ZNF148: variants seen among roughly 807,000 people sequenced by gnomAD.
ZNF148 encodes Beta-Enolase Repressor Factor-1.
Under a neutral mutation model 67.7 loss-of-function variants are expected in ZNF148, and 7 were observed. That is an observed-to-expected ratio of 0.10 (90% CI 0.06 to 0.19). The LOEUF (loss-of-function observed/expected upper bound fraction) is 0.19, where lower values mean the gene tolerates loss of function less well. Among genes scored for constraint, ZNF148 ranks in the 10% least tolerant of loss-of-function variants. The pLI is 1.00. For missense variants in ZNF148, 583 were observed against 947.1 expected (o/e 0.62, Z 5.05); for synonymous variants, 333 against 330.7 (o/e 1.01, Z -0.08).
chr3:125,301,042 G>C (rs1296734400), intron 4 of ZNF148, among the ~76,000 whole-genome samples: 1 of 152,134 alleles, frequency 6.6e-6, no homozygotes, highest in Non-Finnish European at 1.5e-5. Context: ...ATTTTGAAAT[G>C]ATGAAAATAT....
intron 4 of ZNF148, among the ~76,000 whole-genome samples, chr3:125,300,611 CATGACTAACA>C (rs1939535528): frequency 6.6e-6 from 1 of 152,166 alleles, no homozygotes; most frequent in Non-Finnish European, 1.5e-5. Context: ...CACAAAAATT[CATGACTAACA>C]ATGTTACATG....
chr3:125,357,352 G>A (rs1452903138), intron 1 of ZNF148: 1 of 153,294 alleles, frequency 6.5e-6, no homozygotes, highest in East Asian at 1.9e-4. Flanking sequence ...ACAAAAGGAA[G>A]TCATGGAAGG....
At chr3:125,241,484 C>G (rs1375886309) in intron 7 of ZNF148, among the ~76,000 whole-genome samples, 1 of 152,088 alleles carries the variant, frequency 6.6e-6, no homozygotes, top group Non-Finnish European at 1.5e-5. Context: ...ATCTTTTCTA[C>G]TTTTCCCTCA....
At chr3:125,295,362 A>T (rs887492021) in intron 4 of ZNF148, among the ~76,000 whole-genome samples, 3 of 152,126 alleles carry the variant, frequency 2.0e-5, no homozygotes, top group African/African-American at 4.8e-5. Context: ...CTGAGGCAGG[A>T]AAATAGCTTG....
chr3:125,272,363 C>T (rs551799329), intron 7 of ZNF148, among the ~76,000 whole-genome samples: 1 of 152,242 alleles, frequency 6.6e-6, no homozygotes, highest in South Asian at 2.1e-4. Context: ...AAAACAAATG[C>T]TACACATCTT....
chr3:125,285,571 A>C (rs889368148), intron 5 of ZNF148, among the ~76,000 whole-genome samples: 6 of 151,980 alleles, frequency 3.9e-5, no homozygotes, highest in Non-Finnish European at 8.8e-5. Flanking sequence ...AAAAAAAAAC[A>C]AAACCAGAGA....
At chr3:125,267,012 T>C (rs1937545671) in intron 7 of ZNF148, among the ~76,000 whole-genome samples, 2 of 151,244 alleles carry the variant, frequency 1.3e-5, no homozygotes, top group South Asian at 4.2e-4. Context: ...AATTCAAACC[T>C]TGAACAGATC....
chr3:125,366,398 A>G (rs560652628), intron 1 of ZNF148, among the ~76,000 whole-genome samples: 1 of 152,150 alleles, frequency 6.6e-6, no homozygotes, highest in Admixed American at 6.5e-5. Context: ...CCCAACCCCA[A>G]CTGACTCTCC....
chr3:125,358,015 C>T (rs374882998), intron 1 of ZNF148, among the ~76,000 whole-genome samples: 6 of 152,290 alleles, frequency 3.9e-5, no homozygotes, highest in African/African-American at 1.4e-4. Flanking sequence ...CTTGAAGTAA[C>T]AAGCTTCATA....
chr3:125,331,823 A>T (rs745630102), intron 1 of ZNF148, among the ~76,000 whole-genome samples: 3 of 152,228 alleles, frequency 2.0e-5, no homozygotes, highest in Non-Finnish European at 4.4e-5. Flanking sequence ...ACAGAAAATT[A>T]ACATTCCACA....
chr3:125,307,618 C>T (rs974953049), intron 4 of ZNF148, among the ~76,000 whole-genome samples: 5 of 151,910 alleles, frequency 3.3e-5, no homozygotes, highest in Non-Finnish European at 5.9e-5. Context: ...AACACTTCAA[C>T]CTAATAAAAG....
chr3:125,310,868 C>A, intron 4 of ZNF148: 1 of 208,010 alleles, frequency 4.8e-6, no homozygotes, highest in Non-Finnish European at 1.0e-5. Flanking sequence ...CCTCTGCTCG[C>A]ATTTTCACTC....
At chr3:125,309,541 T>C (rs949582857) in intron 4 of ZNF148, among the ~76,000 whole-genome samples, 2 of 152,136 alleles carry the variant, frequency 1.3e-5, no homozygotes, top group African/African-American at 4.8e-5. Context: ...GGCAACTAAA[T>C]TAATTTGATA....
At chr3:125,291,995 A>T (rs1939042330) in intron 4 of ZNF148, among the ~76,000 whole-genome samples, 1 of 152,224 alleles carries the variant, frequency 6.6e-6, no homozygotes. Flanking sequence ...CTGTCTAACG[A>T]ATGTCAGCAA....
chr3:125,288,382 G>A (rs927760199), intron 4 of ZNF148, among the ~76,000 whole-genome samples, 154 bp from the exon 5 acceptor site: 2 of 151,910 alleles, frequency 1.3e-5, no homozygotes, highest in African/African-American at 4.8e-5. Context: ...CAGTGCTATA[G>A]AATTCATTAA....
intron 1 of ZNF148, among the ~76,000 whole-genome samples, chr3:125,352,953 A>C (rs1344227937): frequency 1.3e-5 from 2 of 152,138 alleles, no homozygotes; most frequent in Non-Finnish European, 2.9e-5. Flanking sequence ...CCCAAAACAG[A>C]CCAATACAAA....
chr3:125,294,613 C>T (rs1156878443), intron 4 of ZNF148, among the ~76,000 whole-genome samples: 1 of 152,164 alleles, frequency 6.6e-6, no homozygotes, highest in African/African-American at 2.4e-5. Context: ...ATTTATCAGA[C>T]ATTCACTACC....
chr3:125,337,846 A>G (rs536421880), intron 1 of ZNF148, among the ~76,000 whole-genome samples: 1 of 152,298 alleles, frequency 6.6e-6, no homozygotes, highest in Admixed American at 6.5e-5. Flanking sequence ...TCATGCCTAT[A>G]ATCCCAACAC....
intron 5 of ZNF148, among the ~76,000 whole-genome samples, chr3:125,282,797 A>G (rs1376324656): frequency 6.6e-6 from 1 of 152,138 alleles, no homozygotes. Context: ...CTGCCTATTC[A>G]AATTCAGAGA....
Sources: allele counts gnomAD v4.1 joint callset (sites outside exome capture counted in the v4.1 genomes callset), GRCh38; gene constraint gnomAD v4.1.1; transcripts MANE v1.5; gene names NCBI Gene and HGNC (gene_info 2026-07-23, HGNC 2026-07-21).